Variants in USP49 observed in about 807,000 individuals in gnomAD.
USP49 encodes ubiquitin carboxyl-terminal hydrolase 49.
USP49 carries 24 observed loss-of-function variants against 58.6 expected under a neutral mutation model. The ratio of observed to expected loss-of-function variants is 0.41; its 90% CI spans 0.30 to 0.58. The LOEUF is 0.58. USP49 is among the 20% of genes least tolerant of loss of function. The pLI is 0.30. For synonymous variants in USP49, 408 were observed against 365.1 expected, an observed-to-expected ratio of 1.12 and a Z score of -1.34; for missense variants, 703 against 866.1, an observed-to-expected ratio of 0.81 and a Z score of 2.36.
chr6:41,870,013 T>C (rs940635922), intron 3 of USP49, among the ~76,000 whole-genome samples: 2 of 152,166 alleles, frequency 1.3e-5, no homozygotes, highest in Admixed American at 6.5e-5. Flanking sequence ...AAACTTCTCA[T>C]GAAAAAAACT....
At chr6:41,828,348 C>T (rs755030646) in intron 3 of USP49, among the ~76,000 whole-genome samples, 5 of 152,220 alleles carry the variant, frequency 3.3e-5, no homozygotes, top group Non-Finnish European at 7.4e-5. Flanking sequence ...ACTTGGGAGG[C>T]TGAGGCAGGA....
rs7755372 is a variant in USP49, at chr6:41,839,256, A to C, written c.-28-32245T>G. ...CCCTGTCTCTACAAAAAATACAAAA[A>C]TTAGCTGGGTGTGGTGGCATATGCC... On this transcript the variant is annotated intron_variant, in intron 3 of 7. Coordinates refer to ENST00000682992, the MANE Select transcript of USP49 (RefSeq NM_001286554.2). 7.8e-3 allele frequency among the ~76,000 whole-genome samples: 1,180 copies of C among 151,996 alleles called. 15 individuals carry two copies. The highest frequency in any genetic ancestry group is 0.026 in the African/African-American group (1,094 of 41,452).
chr6:41,872,390 G>A (rs2127359783), intron 2 of USP49, among the ~76,000 whole-genome samples: 1 of 150,434 alleles, frequency 6.6e-6, no homozygotes, highest in Middle Eastern at 3.7e-3. Flanking sequence ...GCCCCATCTG[G>A]GAAGTAAGGA....
chr6:41,868,567 T>C (rs1273674920), intron 3 of USP49: 1 of 152,166 alleles, frequency 6.6e-6, no homozygotes, highest in Admixed American at 6.6e-5. Context: ...GACCTTGTGA[T>C]CAGCCCACCT....
chr6:41,888,672 C>T (rs1023084518), intron 2 of USP49, among the ~76,000 whole-genome samples: 4 of 152,042 alleles, frequency 2.6e-5, no homozygotes, highest in Middle Eastern at 3.4e-3. Flanking sequence ...AGGCTGATCT[C>T]GAACTCCTGA....
chr6:41,860,780 G>T (rs1014349962), intron 3 of USP49, among the ~76,000 whole-genome samples: 1 of 151,892 alleles, frequency 6.6e-6, no homozygotes, highest in Non-Finnish European at 1.5e-5. Context: ...AAAGTGCTAG[G>T]ATTACAGGTG....
In USP49 at chr6:41,841,022, AAAAC is replaced by A. The variant is rs546879807; in HGVS notation, c.-29+30538_-29+30541del. Among the ~76,000 whole-genome samples, 1,374 of 151,840 alleles carry A rather than the reference AAAAC, an allele frequency of 9.0e-3. 20 individuals are homozygous for A. The highest frequency in any genetic ancestry group is 0.031 in the African/African-American group (1,298 of 41,400). ...CCTTGTAGACCTTGTTTCAAAAAAA[AAAAC>A]AAAAAACAAAAAAAAACCTTTTTAC... On this transcript the variant is annotated intron_variant, in intron 3 of 7. Coordinates refer to ENST00000682992, the MANE Select transcript of USP49 (RefSeq NM_001286554.2).
At position 41,806,816 on chromosome 6, in the gene USP49, T is replaced by C. The variant is rs747826161; in HGVS notation, c.168A>G (p.Lys56=). Residue 56 remains lysine, a synonymous_variant, in exon 4 of 8, where the codon AAA becomes AAG. Coordinates refer to ENST00000682992, the MANE Select transcript of USP49 (RefSeq NM_001286554.2). The surrounding 1 kb of genome is among the most constrained non-coding windows in gnomAD (Gnocchi z 5.9). The part of the protein sequence containing the change: ...CGRYIEDHAL[K]HFEETGHPLA... Reference sequence around the variant, plus strand: ...GCGGGTGTCCCGTCTCCTCAAAGTGTTTCAGGGCGTGGTCCTCAATATAGC... The same window carrying C: ...GCGGGTGTCCCGTCTCCTCAAAGTGCTTCAGGGCGTGGTCCTCAATATAGC... 6.2e-7 allele frequency: 1 copy of C among 1,614,090 alleles called. No individual in the cohort carries two copies. Among genetic ancestry groups the C allele is most frequent in the Non-Finnish European group, 8.5e-7 (1 of 1,180,036 alleles).
chr6:41,799,098 A>T (rs1772947604), intron 6 of USP49, among the ~76,000 whole-genome samples, 169 bp from the exon 7 acceptor site: 1 of 151,296 alleles, frequency 6.6e-6, no homozygotes, highest in Admixed American at 6.6e-5. Flanking sequence ...TTATTTATTT[A>T]TTTATTTATT....
intron 3 of USP49, among the ~76,000 whole-genome samples, chr6:41,818,483 T>G (rs1349892561): frequency 6.6e-6 from 1 of 152,200 alleles, no homozygotes; most frequent in African/African-American, 2.4e-5. Context: ...TAGTAGTTTG[T>G]GCTGCCTCCA....
chr6:41,805,429 C>T (rs948870799), intron 4 of USP49, among the ~76,000 whole-genome samples, 199 bp downstream of exon 4: 1 of 152,080 alleles, frequency 6.6e-6, no homozygotes, highest in Admixed American at 6.6e-5. Context: ...AAAAATCTGG[C>T]CGGAAAGACA....
chr6:41,862,350 T>C (rs1279909310), intron 3 of USP49, among the ~76,000 whole-genome samples: 1 of 152,234 alleles, frequency 6.6e-6, no homozygotes, highest in Non-Finnish European at 1.5e-5. Flanking sequence ...TATCTTTAAA[T>C]ATGTTTCAAT....
chr6:41,873,576 G>A (rs973914143), intron 2 of USP49, among the ~76,000 whole-genome samples: 27 of 152,276 alleles, frequency 1.8e-4, no homozygotes, highest in Admixed American at 4.6e-4. Flanking sequence ...TCCACAAAAT[G>A]TCCCCCAAAT....
At position 41,806,492 on chromosome 6, in the gene USP49, C is replaced by A; in HGVS notation, c.492G>T (p.Arg164=). Residue 164 remains arginine, a synonymous_variant, in exon 4 of 8, where the codon CGG becomes CGT. Transcript: ENST00000682992. The surrounding 1 kb of genome is among the most constrained non-coding windows in gnomAD (Gnocchi z 5.9). ...GCCGCTGCTCCAGCTTCGCCTGGCC[C>A]CGGGAGCTCTTCTCGAACCACAGCC... ...TLRLWFEKSS[R]GQAKLEQRRQ... is the part of the protein sequence containing the mutation. 1 of 1,598,308 alleles carries A rather than the reference C, an allele frequency of 6.3e-7. No individual in the cohort carries two copies. The highest frequency in any genetic ancestry group is 1.1e-5 in the South Asian group (1 of 90,946).
rs1774131715 is a variant in USP49 at position 41,856,358 on chromosome 6, G to C, written c.-29+15206C>G. ...CCACTGGACTCCAGCCTGGGCGACA[G>C]AGCGAGACCCCGTCTCAAAAAAAAA... On this transcript the variant is annotated intron_variant, in intron 3 of 7. Transcript: ENST00000682992. Among the ~76,000 whole-genome samples, 6 of 150,880 alleles carry C rather than the reference G, an allele frequency of 4.0e-5. No individual in the cohort carries two copies. The South Asian group carries it at 1.3e-3, about 32-fold the overall frequency.
At chr6:41,874,548 C>T (rs996093082) in intron 2 of USP49, among the ~76,000 whole-genome samples, 1 of 152,182 alleles carries the variant, frequency 6.6e-6, no homozygotes, top group African/African-American at 2.4e-5. Context: ...TCAATCCTCA[C>T]AACAGCTGTG....
chr6:41,826,214 C>G (rs935464124), intron 3 of USP49, among the ~76,000 whole-genome samples: 1 of 152,080 alleles, frequency 6.6e-6, no homozygotes. Context: ...CTGCAGTGAG[C>G]TGAGATCGCG....
chr6:41,804,692 G>A (rs1003278760), intron 4 of USP49, among the ~76,000 whole-genome samples: 1 of 151,994 alleles, frequency 6.6e-6, no homozygotes, highest in Non-Finnish European at 1.5e-5. Context: ...TAGTGTAGAG[G>A]TTTTACCTGA....
chr6:41,840,373 CA>C (rs55886124), intron 3 of USP49, among the ~76,000 whole-genome samples: 900 of 82,474 alleles, frequency 0.011, 6 homozygotes, highest in African/African-American at 0.032. Context: ...AACTCCGTCT[CA>C]AAAAAAAAAA....
Sources: gnomAD v4.1 joint callset for allele counts (sites outside exome capture counted in the v4.1 genomes callset) on GRCh38, gnomAD v4.1.1 for gene constraint, Gnocchi (gnomAD v3.1) non-coding constraint, MANE v1.5 for transcripts, NCBI Gene and HGNC (gene_info 2026-07-23, HGNC 2026-07-21) for gene names.